The following GRTP1 variants were observed in gnomAD, a reference collection of about 807,000 sequenced individuals.
GRTP1 encodes the protein growth hormone regulated TBC protein 1, also known as growth hormone-regulated TBC protein 1.
A neutral mutation model predicts 38.1 loss-of-function variants in GRTP1; 56 were observed. The ratio of observed to expected loss-of-function variants is 1.47; its 90% CI spans 1.19 to 1.84. The LOEUF is 1.84. GRTP1 is among the 40% of genes most tolerant of loss of function. GRTP1 has a pLI of 0.00. For missense variants in GRTP1, 506 were observed against 453.9 expected (o/e 1.11, Z -1.04); for synonymous variants, 217 against 189.5 (o/e 1.14, Z -1.19).
chr13:113,324,592 G>C lies in GRTP1; in HGVS notation c.922-15C>G, dbSNP rs188602132. The C allele has an allele frequency of 4.3e-4, 684 of 1,589,532 alleles. 5 individuals are homozygous for C. The African/African-American group carries it at 8.3e-3, about 19-fold the overall frequency. Reference sequence around the variant, plus strand: ...GAAAATATTTTCTGGAAGGCAAACAGTTAGTTTAAAAACAAACCCAACAAC... The same window carrying C: ...GAAAATATTTTCTGGAAGGCAAACACTTAGTTTAAAAACAAACCCAACAAC... On this transcript the variant is annotated splice_polypyrimidine_tract_variant and intron_variant, in intron 7 of 7. Transcript: ENST00000375431.
chr13:113,344,770 A>G lies in GRTP1; in HGVS notation c.562+93T>C, dbSNP rs569710119. 190 of 989,398 alleles carry G rather than the reference A, an allele frequency of 1.9e-4. No individual in the cohort carries two copies. In the African/African-American group the frequency reaches 2.9e-3, roughly 15 times the overall value. The allele number at this position is 989,398 out of a possible 1,614,324, so 61.3% of individuals were successfully genotyped here. On this transcript the variant is annotated intron_variant, in intron 5 of 7. Coordinates refer to ENST00000375431, the MANE Select transcript of GRTP1 (RefSeq NM_024719.4). ...ACCTCATCTCCCAAACAATTCAACC[A>G]TGTTTTAATTAAATTTTGATTTCTC...
At chr13:113,354,664 G>T (rs1169063857) in intron 3 of GRTP1, among the ~76,000 whole-genome samples, 1 of 152,042 alleles carries the variant, frequency 6.6e-6, no homozygotes, top group Admixed American at 6.6e-5. Flanking sequence ...GAGTAGCTGG[G>T]ATTACAGGCA....
intron 5 of GRTP1, among the ~76,000 whole-genome samples, chr13:113,336,360 C>CAAACAAACAAACAAAT (rs1240606576): frequency 6.7e-6 from 1 of 148,700 alleles, no homozygotes; most frequent in Admixed American, 6.7e-5. Context: ...AACAAACAAA[C>CAAACAAACAAACAAAT]ATGCAAAGGG....
At chr13:113,330,885 G>A (rs1848706455) in intron 5 of GRTP1, among the ~76,000 whole-genome samples, 1 of 9,348 alleles carries the variant, frequency 1.1e-4, no homozygotes, top group Non-Finnish European at 2.2e-4. Flanking sequence ...GTGTGTGCAT[G>A]GAAACCCGGG....
intron 7 of GRTP1, chr13:113,324,990 G>A (rs780107396): frequency 5.7e-5 from 33 of 580,284 alleles, no homozygotes; most frequent in Non-Finnish European, 7.0e-5. Flanking sequence ...CACCACACCT[G>A]GCTAATTTTT....
At chr13:113,329,508 C>T (rs575176255) in intron 5 of GRTP1, among the ~76,000 whole-genome samples, 2 of 152,254 alleles carry the variant, frequency 1.3e-5, no homozygotes, top group East Asian at 3.9e-4. Context: ...TTGCTTGACC[C>T]GGGAGATGAA....
chr13:113,326,538 G>GCA (rs2042776866), intron 5 of GRTP1, among the ~76,000 whole-genome samples: 3 of 152,128 alleles, frequency 2.0e-5, no homozygotes, highest in Non-Finnish European at 4.4e-5. Context: ...AGGTGTGGTG[G>GCA]TGGGCACCTG....
At chr13:113,350,755 GAC>G (rs774603146) in intron 4 of GRTP1, 92 bp downstream of exon 4, 119 of 1,206,204 alleles carry the variant, frequency 9.9e-5, no homozygotes, top group Non-Finnish European at 1.3e-4. Context: ...GAACAGGGTT[GAC>G]AGAGACGTGA....
Position 113,364,084 on chromosome 13 carries a change from G to A in GRTP1, c.-33C>T. 8.0e-7 allele frequency: 1 copy of A among 1,242,264 alleles called. No homozygotes were observed. The highest frequency in any genetic ancestry group is 1.0e-6 in the Non-Finnish European group (1 of 998,118). 77.0% of individuals were successfully genotyped at this position (1,242,264 alleles called of 1,614,324 possible). The stretch of plus-strand genomic sequence containing the variant: ...GGGAGGCGCGCACCGAGCGAGGCCA[G>A]CGGGTCCCAAGTTCGCCTCCCGGCT... On this transcript the variant is annotated 5_prime_UTR_variant, in exon 1 of 8. Transcript: ENST00000375431.
intron 5 of GRTP1, chr13:113,339,619 T>C (rs1002194524): frequency 6.6e-6 from 1 of 152,250 alleles, no homozygotes; most frequent in African/African-American, 2.4e-5. Flanking sequence ...GACATTCCCA[T>C]AAATTAATAG....
At chr13:113,337,448 T>C (rs1444472544) in intron 5 of GRTP1, among the ~76,000 whole-genome samples, 2 of 152,224 alleles carry the variant, frequency 1.3e-5, no homozygotes, top group Non-Finnish European at 2.9e-5. Context: ...AATTAAACTT[T>C]ATCTGCTATA....
Position 113,324,711 on chromosome 13 carries a change from G to T in GRTP1, c.922-134C>A, listed in dbSNP as rs2042733682. The T allele has an allele frequency of 9.0e-6, 13 of 1,439,552 alleles. No homozygotes were observed. The Admixed American group carries it at 1.1e-4, about 12-fold the overall frequency. 89.2% of individuals were successfully genotyped at this position (1,439,552 alleles called of 1,614,324 possible). A position where few individuals can be genotyped will look rare whatever the true frequency, so the allele number is the denominator to read the frequency against. The stretch of plus-strand genomic sequence containing the variant: ...CAGTCCACATCCAAGGGCTTCTGGG[G>T]TGACCCACAGATTGTCACCATCTCA... On this transcript the variant is annotated intron_variant, in intron 7 of 7. Transcript: ENST00000375431.
intron 5 of GRTP1, among the ~76,000 whole-genome samples, chr13:113,329,303 T>C (rs912126118): frequency 4.6e-5 from 7 of 152,052 alleles, no homozygotes; most frequent in Non-Finnish European, 7.4e-5. Context: ...ATTGGCCGGG[T>C]GCAGTGGCTC....
chr13:113,328,626 C>A (rs1340886035), intron 5 of GRTP1, among the ~76,000 whole-genome samples: 1 of 152,182 alleles, frequency 6.6e-6, no homozygotes, highest in Non-Finnish European at 1.5e-5. Context: ...CTCAAGTGAT[C>A]CCCCTGCCTC....
At chr13:113,357,645 T>C (rs1249439390) in intron 2 of GRTP1, among the ~76,000 whole-genome samples, 1 of 152,130 alleles carries the variant, frequency 6.6e-6, no homozygotes, top group Non-Finnish European at 1.5e-5. Flanking sequence ...CTGACTTTCC[T>C]CCAAGTTAGT....
chr13:113,350,331 G>A (rs1303953018), intron 4 of GRTP1, among the ~76,000 whole-genome samples: 1 of 152,118 alleles, frequency 6.6e-6, no homozygotes, highest in Non-Finnish European at 1.5e-5. Flanking sequence ...ACACCACGGA[G>A]CCAGCCAGGG....
At chr13:113,333,026 AGG>A (rs1017638436) in intron 5 of GRTP1, among the ~76,000 whole-genome samples, 29 of 152,228 alleles carry the variant, frequency 1.9e-4, no homozygotes, top group African/African-American at 6.5e-4. Flanking sequence ...CATAAAGCCA[AGG>A]GACCAGCATT....
intron 5 of GRTP1, among the ~76,000 whole-genome samples, chr13:113,336,348 A>AAAACAAAC (rs61192086): frequency 1.5e-3 from 219 of 149,620 alleles, no homozygotes; most frequent in Non-Finnish European, 2.6e-3. Flanking sequence ...ATTTAATTAA[A>AAAACAAAC]AAACAAACAA....
chr13:113,364,043 G>A lies in GRTP1; in HGVS notation c.9C>T (p.Pro3=). Residue 3 remains proline (P), a synonymous_variant, in exon 1 of 8, where the codon CCC becomes CCT. Coordinates refer to ENST00000375431, the MANE Select transcript of GRTP1 (RefSeq NM_024719.4). The part of the protein sequence containing the change: MQ[P]AERSRVPRID... ...ACCTGGGGACCCGCGAGCGCTCGGC[G>A]GGCTGCATGCGGGGAGGGAGGCGCG... is the stretch of plus-strand genomic sequence containing the variant. The A allele has an allele frequency of 7.7e-7, 1 of 1,291,058 alleles. No homozygotes were observed. Among genetic ancestry groups the A allele is most frequent in the Non-Finnish European group, 9.8e-7 (1 of 1,024,452 alleles). 80.0% of individuals were successfully genotyped at this position (1,291,058 alleles called of 1,614,324 possible).
Sources: gnomAD v4.1 joint callset for allele counts (sites outside exome capture counted in the v4.1 genomes callset) on GRCh38, gnomAD v4.1.1 for gene constraint, MANE v1.5 for transcripts, NCBI Gene and HGNC (gene_info 2026-07-23, HGNC 2026-07-21) for gene names.